The following TBC1D9 variants were observed in gnomAD, a reference collection of about 807,000 sequenced individuals.
TBC1D9 encodes the protein TBC1 domain family member 9.
Under a neutral mutation model 132.0 loss-of-function variants are expected in TBC1D9, and 63 were observed. The observed-to-expected ratio is 0.48, with a 90% confidence interval of 0.39 to 0.59. TBC1D9 has a LOEUF of 0.59. Ranked by LOEUF, TBC1D9 falls within the 20% of genes least tolerant of loss-of-function variation. The pLI, the probability that TBC1D9 is intolerant of heterozygous loss-of-function variation, is 0.00. For missense variants in TBC1D9, 1,261 were observed against 1,592.7 expected, an observed-to-expected ratio of 0.79 and a Z score of 3.54; for synonymous variants, 610 against 609.9, an observed-to-expected ratio of 1.00 and a Z score of 0.00.
At chr4:140,702,194 C>T (rs1266450158) in intron 1 of TBC1D9, among the ~76,000 whole-genome samples, 2 of 152,218 alleles carry the variant, frequency 1.3e-5, no homozygotes, top group African/African-American at 4.8e-5. Flanking sequence ...TCAGGGTCTG[C>T]ATTTTTAGCA....
intron 1 of TBC1D9, among the ~76,000 whole-genome samples, chr4:140,718,408 CTG>C (rs1432152821): frequency 2.6e-5 from 4 of 152,132 alleles, no homozygotes; most frequent in Admixed American, 6.6e-5. Context: ...ACTCTCTCCT[CTG>C]AATGAACCCT....
At chr4:140,679,900 C>T (rs1737678771) in intron 3 of TBC1D9, 57 bp from the exon 4 acceptor site, 1 of 1,388,498 alleles carries the variant, frequency 7.2e-7, no homozygotes, top group South Asian at 1.4e-5. Context: ...TAGAGATGTA[C>T]ATATTCCAGA....
At chr4:140,641,545 C>T (rs986087860) in intron 13 of TBC1D9, among the ~76,000 whole-genome samples, 4 of 152,066 alleles carry the variant, frequency 2.6e-5, no homozygotes, top group Non-Finnish European at 5.9e-5. Context: ...TCTCGGGAAG[C>T]CCCCACTGGG....
At chr4:140,719,260 C>T (rs1333094270) in intron 1 of TBC1D9, among the ~76,000 whole-genome samples, 1 of 152,154 alleles carries the variant, frequency 6.6e-6, no homozygotes, top group African/African-American at 2.4e-5. Context: ...GCCACTACAT[C>T]AGGGATATTT....
chr4:140,721,211 T>C (rs1479287762), intron 1 of TBC1D9, among the ~76,000 whole-genome samples: 1 of 152,052 alleles, frequency 6.6e-6, no homozygotes, highest in Non-Finnish European at 1.5e-5. Flanking sequence ...AAGGCAGAAG[T>C]GAAACTAAAA....
At chr4:140,623,277 C>T (rs953130313) in intron 20 of TBC1D9, among the ~76,000 whole-genome samples, 4 of 152,090 alleles carry the variant, frequency 2.6e-5, no homozygotes, top group Admixed American at 2.6e-4. Context: ...CCATTTTACC[C>T]AGGCTGGTCT....
intron 2 of TBC1D9, 54 bp downstream of exon 2, chr4:140,701,450 G>T: frequency 7.2e-7 from 1 of 1,383,426 alleles, no homozygotes; most frequent in Non-Finnish European, 1.0e-6. Flanking sequence ...ATAAAAAGTT[G>T]TTAACCCTAA....
At chr4:140,631,388 A>T (rs1736793452) in intron 16 of TBC1D9, among the ~76,000 whole-genome samples, 1 of 151,742 alleles carries the variant, frequency 6.6e-6, no homozygotes, top group Admixed American at 6.6e-5. Context: ...ACGCCCGGCT[A>T]ATTTTTTGTA....
intron 1 of TBC1D9, among the ~76,000 whole-genome samples, chr4:140,747,344 T>C (rs762523742): frequency 3.6e-5 from 5 of 138,166 alleles, no homozygotes; most frequent in Admixed American, 1.5e-4. Flanking sequence ...AGAGAGAGAC[T>C]CTGTCAAAAA....
At chr4:140,625,804 C>T (rs1039000508) in intron 18 of TBC1D9, among the ~76,000 whole-genome samples, 2 of 151,926 alleles carry the variant, frequency 1.3e-5, no homozygotes, top group African/African-American at 4.8e-5. Flanking sequence ...TAGTTTGATC[C>T]CAGTTCTATA....
intron 16 of TBC1D9, among the ~76,000 whole-genome samples, chr4:140,631,315 C>G (rs1047329589): frequency 1.3e-5 from 2 of 150,134 alleles, no homozygotes; most frequent in African/African-American, 4.9e-5. Context: ...CTCTGCCTCC[C>G]GGGTTCAAGC....
intron 1 of TBC1D9, among the ~76,000 whole-genome samples, chr4:140,705,502 G>C (rs1384728249): frequency 7.3e-6 from 1 of 137,606 alleles, no homozygotes; most frequent in African/African-American, 3.1e-5. Flanking sequence ...GACAAGTGAG[G>C]GGTGTGTGCA....
At chr4:140,686,259 A>G (rs1371386013) in intron 3 of TBC1D9, 85 bp downstream of exon 3, 7 of 862,944 alleles carry the variant, frequency 8.1e-6, no homozygotes, top group Non-Finnish European at 1.3e-5. Flanking sequence ...GTATACAGGT[A>G]TGTTTTACTC....
intron 13 of TBC1D9, chr4:140,644,163 G>C: frequency 2.8e-6 from 1 of 361,412 alleles, no homozygotes; most frequent in Non-Finnish European, 5.3e-6. Flanking sequence ...CCCGTAGTGT[G>C]GTGGCAGGGC....
intron 13 of TBC1D9, chr4:140,642,054 CT>C: frequency 1.5e-6 from 1 of 681,544 alleles, no homozygotes; most frequent in East Asian, 2.7e-5. Flanking sequence ...TGGTGGCTGG[CT>C]TAGGTTTCAG....
chr4:140,708,710 T>C (rs1163755085), intron 1 of TBC1D9, among the ~76,000 whole-genome samples: 2 of 152,084 alleles, frequency 1.3e-5, no homozygotes, highest in Non-Finnish European at 2.9e-5. Flanking sequence ...AATGTGAAGG[T>C]ACATGTGAGC....
chr4:140,655,614 C>A (rs1737255553), intron 13 of TBC1D9, among the ~76,000 whole-genome samples: 1 of 152,128 alleles, frequency 6.6e-6, no homozygotes, highest in African/African-American at 2.4e-5. Flanking sequence ...GTGTTATGAG[C>A]ACTTGGGGCC....
chr4:140,710,863 T>G (rs1157629830), intron 1 of TBC1D9, among the ~76,000 whole-genome samples: 1 of 152,194 alleles, frequency 6.6e-6, no homozygotes, highest in African/African-American at 2.4e-5. Context: ...GACCCCTTGT[T>G]AAAAAATTCT....
chr4:140,721,887 A>G (rs2111058886), intron 1 of TBC1D9, among the ~76,000 whole-genome samples: 1 of 152,190 alleles, frequency 6.6e-6, no homozygotes, highest in South Asian at 2.1e-4. Flanking sequence ...TAGTCCTTCT[A>G]CCTGCTCACA....
Sources: gnomAD v4.1 joint callset for allele counts (sites outside exome capture counted in the v4.1 genomes callset) on GRCh38, gnomAD v4.1.1 for gene constraint, MANE v1.5 for transcripts, NCBI Gene and HGNC (gene_info 2026-07-23, HGNC 2026-07-21) for gene names.